The following TSGA10 variants were observed in gnomAD, a reference collection of about 807,000 sequenced individuals.
TSGA10 encodes the protein testis specific 10, also known as testis-specific gene 10 protein.
A neutral mutation model predicts 96.6 loss-of-function variants in TSGA10; 43 were observed. The ratio of observed to expected loss-of-function variants is 0.44; its 90% CI spans 0.35 to 0.57. The LOEUF (loss-of-function observed/expected upper bound fraction) is 0.57, where lower values mean the gene tolerates loss of function less well. Among genes scored for constraint, TSGA10 ranks in the 20% least tolerant of loss-of-function variants. The probability of loss-of-function intolerance (pLI) is 0.01; values close to 1 mark genes in which losing one functional copy is unlikely to be tolerated. For missense variants in TSGA10, 703 were observed against 834.4 expected, an observed-to-expected ratio of 0.84 and a Z score of 1.94; for synonymous variants, 229 against 269.9, an observed-to-expected ratio of 0.85 and a Z score of 1.48.
At chr2:99,038,433 TACAA>T (rs1379308030) in intron 16 of TSGA10, among the ~76,000 whole-genome samples, 6 of 152,056 alleles carry the variant, frequency 3.9e-5, no homozygotes, top group Non-Finnish European at 8.8e-5. Flanking sequence ...TAAGGACTCA[TACAA>T]ACTTAAGTAA....
chr2:99,058,530 TTAAA>T (rs1486347393), intron 16 of TSGA10, among the ~76,000 whole-genome samples: 18 of 146,716 alleles, frequency 1.2e-4, no homozygotes, highest in African/African-American at 4.9e-4. Context: ...GAAAAATCAA[TTAAA>T]TTAATACTCC....
At chr2:99,150,391 G>A in intron 1 of TSGA10, 1 of 685,302 alleles carries the variant, frequency 1.5e-6, no homozygotes. Flanking sequence ...TATATTTCTA[G>A]TATCACCACA....
At chr2:99,123,038 GTTGACAGGTTTGCT>G (rs1471646730) in intron 2 of TSGA10, among the ~76,000 whole-genome samples, 13 of 152,230 alleles carry the variant, frequency 8.5e-5, no homozygotes, top group African/African-American at 3.1e-4. Flanking sequence ...AAAATTCTGA[GTTGACAGGTTTGCT>G]TTTTTCTAGC....
At chr2:99,091,774 G>A (rs11678456) in intron 10 of TSGA10, among the ~76,000 whole-genome samples, 93,859 of 151,372 alleles carry the variant, frequency 0.62, 29,481 homozygotes, top group East Asian at 0.88. Context: ...ATATAGAACA[G>A]TTACTACTAA....
intron 10 of TSGA10, among the ~76,000 whole-genome samples, chr2:99,088,338 G>A (rs1325801396): frequency 6.6e-6 from 1 of 152,094 alleles, no homozygotes. Flanking sequence ...AGTTATTGTT[G>A]TTAATCTCTT....
At chr2:99,036,250 A>G (rs896886) in intron 16 of TSGA10, among the ~76,000 whole-genome samples, 53,292 of 151,898 alleles carry the variant, frequency 0.35, 10,686 homozygotes, top group African/African-American at 0.55. Context: ...TTATTTGGCC[A>G]TAATTCACTC....
intron 10 of TSGA10, among the ~76,000 whole-genome samples, chr2:99,082,261 T>C (rs1219801185): frequency 1.3e-5 from 2 of 152,058 alleles, no homozygotes; most frequent in African/African-American, 4.8e-5. Flanking sequence ...CGCACCTGGT[T>C]CCGTTGCTTT....
At chr2:99,022,012 G>C (rs898379552) in intron 17 of TSGA10, among the ~76,000 whole-genome samples, 11 of 152,004 alleles carry the variant, frequency 7.2e-5, no homozygotes, top group Admixed American at 5.9e-4. Flanking sequence ...TCTAATGTGA[G>C]AACTTTTTCA....
intron 1 of TSGA10, among the ~76,000 whole-genome samples, chr2:99,149,119 G>A (rs1335404835): frequency 2.0e-5 from 3 of 149,270 alleles, no homozygotes; most frequent in Non-Finnish European, 3.0e-5. Flanking sequence ...CCAGTGAGCC[G>A]AGATCGCACC....
intron 12 of TSGA10, among the ~76,000 whole-genome samples, chr2:99,077,706 T>G (rs2086889844): frequency 6.6e-6 from 1 of 151,834 alleles, no homozygotes; most frequent in African/African-American, 2.4e-5. Context: ...TGATTACAGG[T>G]GCCCGCCACC....
chr2:99,066,254 T>C (rs2085249651), intron 15 of TSGA10, among the ~76,000 whole-genome samples: 1 of 152,230 alleles, frequency 6.6e-6, no homozygotes, highest in African/African-American at 2.4e-5. Flanking sequence ...AACAATATAC[T>C]AAACTACCTT....
At position 99,105,407 on chromosome 2, in the gene TSGA10, C is replaced by T; in HGVS notation, c.411G>A (p.Lys137=). ...KIAQETAFNE[K]AHLEQRIEEL... ...CCTCTATCCTTTGTTCCAGGTGAGC[C>T]TTCTCATTAAATGCTGTCTCTTGAG... The change falls in exon 9 of 21, where the codon AAG becomes AAA. Residue 137 remains lysine, a synonymous_variant. Coordinates refer to ENST00000393483, the MANE Select transcript of TSGA10 (RefSeq NM_025244.4). 5 of 1,612,618 alleles carry T rather than the reference C, an allele frequency of 3.1e-6. No individual in the cohort carries two copies. Among genetic ancestry groups the T allele is most frequent in the Non-Finnish European group, 4.2e-6 (5 of 1,179,852 alleles).
At chr2:99,002,948 C>A (rs2078073467) in intron 20 of TSGA10, among the ~76,000 whole-genome samples, 1 of 152,024 alleles carries the variant, frequency 6.6e-6, no homozygotes, top group Non-Finnish European at 1.5e-5. Context: ...CAACCTCCAC[C>A]TCCCAGGTTC....
chr2:99,101,835 C>T (rs10865029), intron 10 of TSGA10, among the ~76,000 whole-genome samples: 89,902 of 151,998 alleles, frequency 0.59, 27,519 homozygotes, highest in East Asian at 0.88. Context: ...TGTCTCTAAA[C>T]AGTTAAACTC....
intron 20 of TSGA10, among the ~76,000 whole-genome samples, chr2:99,016,225 A>G (rs1401486683): frequency 6.6e-6 from 1 of 152,216 alleles, no homozygotes; most frequent in Non-Finnish European, 1.5e-5. Context: ...TGGAGGCATC[A>G]CATTACCTGA....
chr2:99,114,063 A>G (rs2092038506), intron 4 of TSGA10, among the ~76,000 whole-genome samples: 1 of 152,228 alleles, frequency 6.6e-6, no homozygotes, highest in Admixed American at 6.5e-5. Flanking sequence ...TTTAAAAATA[A>G]GACTAAAAGT....
intron 17 of TSGA10, among the ~76,000 whole-genome samples, chr2:99,021,459 T>C (rs2079996429): frequency 6.6e-6 from 1 of 152,090 alleles, no homozygotes; most frequent in African/African-American, 2.4e-5. Flanking sequence ...TAAATGATAA[T>C]GATCAGAAAA....
intron 20 of TSGA10, among the ~76,000 whole-genome samples, chr2:99,009,959 A>G (rs1040744980): frequency 2.5e-4 from 38 of 152,348 alleles, no homozygotes; most frequent in African/African-American, 8.9e-4. Flanking sequence ...GGTAAAGGGC[A>G]TGTAGATGTT....
chr2:99,069,733 C>T (rs573372467), intron 14 of TSGA10, among the ~76,000 whole-genome samples: 2 of 152,040 alleles, frequency 1.3e-5, no homozygotes, highest in South Asian at 2.1e-4. Context: ...TAATGAGATG[C>T]TGTCATTAAG....
Sources: allele counts gnomAD v4.1 joint callset (sites outside exome capture counted in the v4.1 genomes callset), GRCh38; gene constraint gnomAD v4.1.1; transcripts MANE v1.5; gene names NCBI Gene and HGNC (gene_info 2026-07-23, HGNC 2026-07-21).